Variants in LOXHD1 observed in about 807,000 individuals in gnomAD.
LOXHD1 encodes the protein lipoxygenase homology domain-containing protein 1.
A neutral mutation model predicts 248.2 loss-of-function variants in LOXHD1; 205 were observed. That is an observed-to-expected ratio of 0.83 (90% CI 0.74 to 0.93). The LOEUF is 0.93. Among genes scored for constraint, LOXHD1 ranks in the 40% least tolerant of loss-of-function variants. The pLI is 0.00. For synonymous variants in LOXHD1, 1,113 were observed against 1,162.8 expected (o/e 0.96, Z 0.87); for missense variants, 2,930 against 2,971.6 (o/e 0.99, Z 0.33).
At chr18:46,483,030 T>C (rs997855346) in intron 40 of LOXHD1, among the ~76,000 whole-genome samples, 2 of 152,212 alleles carry the variant, frequency 1.3e-5, no homozygotes, top group Non-Finnish European at 2.9e-5. Context: ...TGTGACTATG[T>C]TGCCCAGGTA....
chr18:46,546,398 C>T (rs1045541506), intron 22 of LOXHD1, among the ~76,000 whole-genome samples: 1 of 151,592 alleles, frequency 6.6e-6, no homozygotes, highest in Non-Finnish European at 1.5e-5. Flanking sequence ...CAATCCACTC[C>T]ACTCCATTCT....
At chr18:46,545,553 T>G in intron 22 of LOXHD1, 132 bp from the exon 23 acceptor site, 1 of 675,704 alleles carries the variant, frequency 1.5e-6, no homozygotes, top group Non-Finnish European at 2.7e-6. Flanking sequence ...AATTTTTCTC[T>G]TGCCCCTTCA....
intron 26 of LOXHD1, among the ~76,000 whole-genome samples, chr18:46,536,017 G>A (rs936817730): frequency 2.6e-5 from 4 of 152,194 alleles, no homozygotes; most frequent in Admixed American, 1.3e-4. Context: ...AGGCAGAGAA[G>A]TCTCTGGAAC....
chr18:46,497,149 G>C (rs1298593078), intron 37 of LOXHD1, among the ~76,000 whole-genome samples: 2 of 152,216 alleles, frequency 1.3e-5, no homozygotes, highest in Non-Finnish European at 2.9e-5. Flanking sequence ...AAGGGGAAGA[G>C]GATCACATCA....
At chr18:46,560,048 T>TCCCGGCCC in intron 19 of LOXHD1, 35 bp downstream of exon 19, 20 of 1,226,286 alleles carry the variant, frequency 1.6e-5, no homozygotes, top group Non-Finnish European at 2.1e-5. Flanking sequence ...GTCTGGCCAC[T>TCCCGGCCC]CCCTCCCCAC....
intron 21 of LOXHD1, among the ~76,000 whole-genome samples, chr18:46,547,574 G>A (rs990259517): frequency 1.3e-5 from 2 of 152,146 alleles, no homozygotes; most frequent in Admixed American, 6.5e-5. Flanking sequence ...AGGAAAGGGA[G>A]GTCCAAGTCA....
In LOXHD1 at chr18:46,572,147, A is replaced by G. The variant is rs1599016381; in HGVS notation, c.1986T>C (p.Asp662=). 1 of 1,551,778 alleles carries G rather than the reference A, an allele frequency of 6.4e-7. No homozygotes were observed. The highest frequency in any genetic ancestry group is 8.7e-7 in the Non-Finnish European group (1 of 1,146,994). Residue 662 remains aspartate, a synonymous_variant, in exon 15 of 41, where the codon GAT becomes GAC. Transcript: ENST00000642948. ...EFPCLRWLDK[D]KDDGQLVREL... ...CTCGGACCAGCTGCCCATCATCCTT[A>G]TCCTTGTCCAACCACCTGGTGGGCA...
intron 22 of LOXHD1, 69 bp from the exon 23 acceptor site, chr18:46,545,490 G>A (rs2036762213): frequency 1.7e-6 from 2 of 1,185,354 alleles, no homozygotes; most frequent in African/African-American, 3.0e-5. Flanking sequence ...AAAGAGGACA[G>A]CCACCTCCTC....
Position 46,533,222 on chromosome 18 carries a change from T to C in LOXHD1, c.4315A>G (p.Lys1439Glu). The C allele has an allele frequency of 6.4e-7, 1 of 1,551,778 alleles. No homozygotes were observed. Among genetic ancestry groups the C allele is most frequent in the Non-Finnish European group, 8.7e-7 (1 of 1,147,010 alleles). The stretch of plus-strand genomic sequence containing the variant: ...CGTAAGGACCCATCTTTCATGTATT[T>C]CTCAGTGAAGATGTCATATGGAACC... ...ELVPYDIFTE[K>E]YMKDGSLRQV... Residue 1439 changes from lysine (K) to glutamate (E), a missense_variant, in exon 28 of 41, where the codon AAA becomes GAA. Lys to Glu is a moderately conservative substitution (Grantham distance 56). Transcript: ENST00000642948.
chr18:46,577,114 T>G lies in LOXHD1; in HGVS notation c.1970+593A>C, dbSNP rs534827185. On this transcript the variant is annotated intron_variant, in intron 14 of 40. Transcript: ENST00000642948. ...CATACAGTGTGAATCCTCCAGACAT[T>G]GCCACATAAAATGTGGAGAGCCACC... Among the ~76,000 whole-genome samples, 11 of 152,284 alleles carry G rather than the reference T, an allele frequency of 7.2e-5. No individual in the cohort carries two copies. In the South Asian group the frequency reaches 1.2e-3, roughly 17 times the overall value.
At chr18:46,590,910 A>C (rs1201174147) in intron 12 of LOXHD1, among the ~76,000 whole-genome samples, 1 of 152,232 alleles carries the variant, frequency 6.6e-6, no homozygotes, top group African/African-American at 2.4e-5. Flanking sequence ...GAAGAACCAT[A>C]AAATAAAAGA....
intron 3 of LOXHD1, among the ~76,000 whole-genome samples, chr18:46,641,572 G>T (rs1307483672): frequency 6.6e-6 from 1 of 152,148 alleles, no homozygotes; most frequent in Non-Finnish European, 1.5e-5. Context: ...CACCGATGAG[G>T]CACCATTTTT....
At chr18:46,640,730 C>T (rs1032543358) in intron 3 of LOXHD1, among the ~76,000 whole-genome samples, 9 of 152,086 alleles carry the variant, frequency 5.9e-5, no homozygotes, top group African/African-American at 1.9e-4. Context: ...GTGTAATAGC[C>T]ACATATGGTC....
chr18:46,576,090 C>G (rs1599020070), intron 14 of LOXHD1, among the ~76,000 whole-genome samples: 2 of 152,202 alleles, frequency 1.3e-5, no homozygotes, highest in African/African-American at 4.8e-5. Context: ...TTCCTCCACG[C>G]CACTCTTCAC....
At chr18:46,563,818 G>A (rs547944324) in intron 17 of LOXHD1, among the ~76,000 whole-genome samples, 1 of 152,222 alleles carries the variant, frequency 6.6e-6, no homozygotes, top group African/African-American at 2.4e-5. Flanking sequence ...CACACAGAGA[G>A]ACACCAGGGA....
chr18:46,619,568 T>C (rs2038639554), intron 4 of LOXHD1, among the ~76,000 whole-genome samples: 1 of 152,210 alleles, frequency 6.6e-6, no homozygotes, highest in Non-Finnish European at 1.5e-5. Flanking sequence ...CATTACAGTC[T>C]CATTAAGTAC....
At chr18:46,476,986 G>A (rs1031114208), downstream of LOXHD1, 26 of 580,124 alleles carry the variant, frequency 4.5e-5, no homozygotes, top group Non-Finnish European at 7.3e-5. Context: ...CTTGCCACTG[G>A]GTTTATTGAA....
Position 46,489,035 on chromosome 18 carries a change from CG to C in LOXHD1, c.5985del (p.Asp1995GlufsTer28). ...CAGGCAAAGTCGCGGACCGTCTGCC[CG>C]TCACCCTCACTCTTGGAGAGCCAGC... ...CDCWLSKSEG[D>X]GQTVRDFACA... On this transcript the variant is annotated frameshift_variant, in exon 38 of 41. Transcript: ENST00000642948. LOFTEE classifies it high-confidence loss of function. 5 of 1,551,662 alleles carry C rather than the reference CG, an allele frequency of 3.2e-6. No homozygotes were observed. Among genetic ancestry groups the C allele is most frequent in the Non-Finnish European group, 4.4e-6 (5 of 1,146,978 alleles).
chr18:46,583,336 CCAAA>C (rs1555682917), intron 12 of LOXHD1, among the ~76,000 whole-genome samples: 1 of 151,690 alleles, frequency 6.6e-6, no homozygotes, highest in Non-Finnish European at 1.5e-5. Flanking sequence ...AAACTTTTGC[CCAAA>C]CAAAAACTTT....
Sources: gnomAD v4.1 joint callset for allele counts (sites outside exome capture counted in the v4.1 genomes callset) on GRCh38, gnomAD v4.1.1 for gene constraint, MANE v1.5 for transcripts, NCBI Gene and HGNC (gene_info 2026-07-23, HGNC 2026-07-21) for gene names.